NR6A1: variants seen among roughly 807,000 people sequenced by gnomAD.
The protein encoded by NR6A1 is retinoic acid receptor-related testis-associated receptor.
NR6A1 carries 7 observed loss-of-function variants against 59.1 expected under a neutral mutation model. The observed-to-expected ratio is 0.12, with a 90% CI of 0.07 to 0.22. NR6A1 has a LOEUF of 0.22. Among genes scored for constraint, NR6A1 ranks in the 10% least tolerant of loss-of-function variants. The pLI is 1.00. For missense variants in NR6A1, 468 were observed against 611.6 expected (o/e 0.77, Z 2.48); for synonymous variants, 243 against 236.1 (o/e 1.03, Z -0.27).
chr9:124,538,215 C>A lies in NR6A1; in HGVS notation c.701G>T (p.Gly234Val), dbSNP rs780467294. 1.9e-6 allele frequency: 3 copies of A among 1,614,090 alleles called. No individual in the cohort carries two copies. The highest frequency in any genetic ancestry group is 1.1e-5 in the South Asian group (1 of 91,074). The change falls in exon 6 of 10, where the codon GGC (glycine) becomes GTC (valine). Residue 234 changes from glycine to valine, a missense_variant. By Grantham distance (109) the Gly-to-Val change is moderately radical. Coordinates refer to ENST00000487099, the MANE Select transcript of NR6A1 (RefSeq NM_033334.4). Reference sequence around the variant, plus strand: ...TTGTTGGGGCAGAAGTGGTGAGTGGCCAGAATAGCTAAAAAGGTGCGGTAT... The same window carrying A: ...TTGTTGGGGCAGAAGTGGTGAGTGGACAGAATAGCTAAAAAGGTGCGGTAT... Reference protein sequence around the residue: ...QYIPHLFSYSGHSPLLPQQAR... With the variant: ...QYIPHLFSYSVHSPLLPQQAR...
chr9:124,641,047 A>G (rs1013360206), intron 2 of NR6A1, among the ~76,000 whole-genome samples: 1 of 152,182 alleles, frequency 6.6e-6, no homozygotes, highest in Non-Finnish European at 1.5e-5. Flanking sequence ...CCCATTTTAT[A>G]GATAATAAAT....
intron 2 of NR6A1, among the ~76,000 whole-genome samples, chr9:124,627,357 A>C (rs1472064325): frequency 6.6e-6 from 1 of 152,192 alleles, no homozygotes; most frequent in East Asian, 1.9e-4. Context: ...TGATTAACTA[A>C]GATGTACCTT....
At chr9:124,670,599 A>G (rs1453339991) in intron 2 of NR6A1, among the ~76,000 whole-genome samples, 1 of 152,144 alleles carries the variant, frequency 6.6e-6, no homozygotes, top group African/African-American at 2.4e-5. Flanking sequence ...TGATCCATTT[A>G]TGGTTCACTG....
At chr9:124,535,419 A>G (rs1833229016) in intron 7 of NR6A1, among the ~76,000 whole-genome samples, 1 of 151,850 alleles carries the variant, frequency 6.6e-6, no homozygotes, top group African/African-American at 2.4e-5. Flanking sequence ...CTCTACTAAA[A>G]ATACAAAAAT....
At chr9:124,596,356 A>G (rs1835272602) in intron 2 of NR6A1, among the ~76,000 whole-genome samples, 1 of 152,142 alleles carries the variant, frequency 6.6e-6, no homozygotes, top group Non-Finnish European at 1.5e-5. Flanking sequence ...TTCTGTCATT[A>G]CAATAAACAA....
chr9:124,576,493 T>C (rs1834598700), intron 2 of NR6A1, among the ~76,000 whole-genome samples: 1 of 152,126 alleles, frequency 6.6e-6, no homozygotes, highest in African/African-American at 2.4e-5. Flanking sequence ...TTCACCATGT[T>C]AGCCAGGATG....
intron 2 of NR6A1, among the ~76,000 whole-genome samples, chr9:124,701,237 T>C (rs1838942105): frequency 6.6e-6 from 1 of 152,210 alleles, no homozygotes. Flanking sequence ...TAACACTTTC[T>C]AGAACATTTT....
At chr9:124,569,857 G>A (rs774484050) in intron 2 of NR6A1, among the ~76,000 whole-genome samples, 27 of 152,182 alleles carry the variant, frequency 1.8e-4, no homozygotes, top group Non-Finnish European at 3.2e-4. Context: ...GGTCACACAT[G>A]GAGTTCCTCA....
At chr9:124,705,584 C>T (rs969103710) in intron 2 of NR6A1, among the ~76,000 whole-genome samples, 7 of 152,144 alleles carry the variant, frequency 4.6e-5, no homozygotes, top group Admixed American at 3.9e-4. Flanking sequence ...GAACTGACAG[C>T]ATAGAGCTGT....
chr9:124,700,896 G>A (rs190369269), intron 2 of NR6A1, among the ~76,000 whole-genome samples: 1 of 151,860 alleles, frequency 6.6e-6, no homozygotes, highest in Admixed American at 6.6e-5. Flanking sequence ...GAGTAGCAAG[G>A]ATTACAGGCA....
chr9:124,699,971 C>T (rs1489644118), intron 2 of NR6A1, among the ~76,000 whole-genome samples: 1 of 152,074 alleles, frequency 6.6e-6, no homozygotes, highest in East Asian at 1.9e-4. Flanking sequence ...ACTCTCATGC[C>T]TCAGTCACCT....
intron 2 of NR6A1, among the ~76,000 whole-genome samples, chr9:124,634,176 T>A (rs1040567810): frequency 6.6e-6 from 1 of 152,264 alleles, no homozygotes. Context: ...AAAACAGATA[T>A]AGATTTTTAA....
Position 124,748,852 on chromosome 9 carries a change from G to A in NR6A1, c.101-15503C>T, listed in dbSNP as rs1375003719. ...TGCACTCTAGCCTGGGCGACAGAGC[G>A]AGACTCTGTCTCAAAAAAAAAAAAA... On this transcript the variant is annotated intron_variant, in intron 1 of 9. Coordinates refer to ENST00000487099, the MANE Select transcript of NR6A1 (RefSeq NM_033334.4). Among the ~76,000 whole-genome samples, 67 of 146,776 alleles carry A rather than the reference G, an allele frequency of 4.6e-4. 1 individual carries two copies. Among genetic ancestry groups the A allele is most frequent in the African/African-American group, 1.7e-3 (66 of 39,216 alleles).
intron 7 of NR6A1, among the ~76,000 whole-genome samples, chr9:124,528,970 T>A (rs1833020868): frequency 6.6e-6 from 1 of 152,074 alleles, no homozygotes; most frequent in Admixed American, 6.5e-5. Flanking sequence ...TCCATGGGGG[T>A]CCTGGAAGCA....
At chr9:124,718,407 G>C (rs1273752695) in intron 2 of NR6A1, among the ~76,000 whole-genome samples, 1 of 152,184 alleles carries the variant, frequency 6.6e-6, no homozygotes, top group Non-Finnish European at 1.5e-5. Context: ...TTTATTCTCA[G>C]ACTTCAAAGA....
At position 124,623,956 on chromosome 9, in the gene NR6A1, C is replaced by T. The variant is rs541091161; in HGVS notation, c.143-69386G>A. Among the ~76,000 whole-genome samples, 92 of 152,294 alleles carry T rather than the reference C, an allele frequency of 6.0e-4. 1 individual carries two copies. In the South Asian group the frequency reaches 0.018, roughly 30 times the overall value. On this transcript the variant is annotated intron_variant, in intron 2 of 9. Transcript: ENST00000487099. ...CCTGGCACCAGTGTTAACTGTTTTA[C>T]ATGTATCACCTCACCAGAGTCTTTT...
intron 2 of NR6A1, among the ~76,000 whole-genome samples, chr9:124,573,717 A>C (rs901198802): frequency 7.2e-5 from 11 of 152,220 alleles, no homozygotes; most frequent in African/African-American, 2.7e-4. Flanking sequence ...AATCTATAGG[A>C]GAGGAGAATG....
chr9:124,556,438 T>C (rs1833928166), intron 2 of NR6A1, among the ~76,000 whole-genome samples: 1 of 151,588 alleles, frequency 6.6e-6, no homozygotes, highest in Non-Finnish European at 1.5e-5. Context: ...GCAAACACTT[T>C]CATTTCAGCC....
At chr9:124,594,332 G>A (rs1394510036) in intron 2 of NR6A1, among the ~76,000 whole-genome samples, 7 of 152,108 alleles carry the variant, frequency 4.6e-5, no homozygotes, top group Non-Finnish European at 8.8e-5. Flanking sequence ...TATGAACCAG[G>A]GGAGAACTTT....
Sources: allele counts gnomAD v4.1 joint callset (sites outside exome capture counted in the v4.1 genomes callset), GRCh38; gene constraint gnomAD v4.1.1; transcripts MANE v1.5; gene names NCBI Gene and HGNC (gene_info 2026-07-23, HGNC 2026-07-21).